BRINP3: variants seen among roughly 807,000 people sequenced by gnomAD.
BRINP3 encodes the protein BMP/retinoic acid inducible neural specific 3.
A neutral mutation model predicts 71.0 loss-of-function variants in BRINP3; 19 were observed. That is an observed-to-expected ratio of 0.27 (90% CI 0.19 to 0.39). The LOEUF is 0.39. BRINP3 is among the 10% of genes least tolerant of loss of function. BRINP3 has a pLI of 1.00. For missense variants in BRINP3, 959 were observed against 940.8 expected (o/e 1.02, Z -0.25); for synonymous variants, 380 against 337.7 (o/e 1.13, Z -1.37).
Position 190,434,376 on chromosome 1 carries a change from C to T in BRINP3, c.236+20279G>A, listed in dbSNP as rs561715618. ...CTGCCCACCTTGGCTTCCCAAGGTG[C>T]TAAGATTACAGGCATGACCCACCGT... On this transcript the variant is annotated intron_variant, in intron 2 of 7. Coordinates refer to ENST00000367462, the MANE Select transcript of BRINP3 (RefSeq NM_199051.3). 1.3e-3 allele frequency among the ~76,000 whole-genome samples: 196 copies of T among 152,056 alleles called. 1 individual carries two copies. Among genetic ancestry groups the T allele is most frequent in the Non-Finnish European group, 4.4e-4 (30 of 67,980 alleles).
At chr1:190,150,754 T>C (rs562515014) in intron 7 of BRINP3, among the ~76,000 whole-genome samples, 2 of 152,316 alleles carry the variant, frequency 1.3e-5, no homozygotes, top group East Asian at 3.9e-4. Flanking sequence ...GTTATTCCTC[T>C]TTTATGCATG....
At chr1:190,332,863 C>T (rs1397701714) in intron 2 of BRINP3, among the ~76,000 whole-genome samples, 1 of 151,896 alleles carries the variant, frequency 6.6e-6, no homozygotes, top group African/African-American at 2.4e-5. Flanking sequence ...TATTATCAAT[C>T]CGGGTGTGTT....
chr1:190,470,358 T>G (rs1293166911), intron 1 of BRINP3, among the ~76,000 whole-genome samples: 1 of 151,036 alleles, frequency 6.6e-6, no homozygotes, highest in Non-Finnish European at 1.5e-5. Flanking sequence ...TAAATTCTAA[T>G]GTAATGTTCA....
At chr1:190,383,895 T>A (rs564180086) in intron 2 of BRINP3, among the ~76,000 whole-genome samples, 1 of 152,136 alleles carries the variant, frequency 6.6e-6, no homozygotes, top group South Asian at 2.1e-4. Flanking sequence ...AAGTGTTGCT[T>A]CTTATTCTAA....
chr1:190,139,484 GA>G (rs745909429), intron 7 of BRINP3, among the ~76,000 whole-genome samples: 4 of 145,442 alleles, frequency 2.8e-5, no homozygotes, highest in Non-Finnish European at 4.5e-5. Context: ...AGAAAGAAAA[GA>G]AAAAAAATGA....
intron 2 of BRINP3, among the ~76,000 whole-genome samples, chr1:190,432,600 T>C (rs1045663922): frequency 1.3e-5 from 2 of 152,184 alleles, no homozygotes; most frequent in Non-Finnish European, 2.9e-5. Flanking sequence ...TTGAACAAGA[T>C]AAGAACTCTC....
intron 6 of BRINP3, among the ~76,000 whole-genome samples, chr1:190,168,327 T>C (rs1043300634): frequency 5.3e-5 from 8 of 152,158 alleles, no homozygotes; most frequent in African/African-American, 1.9e-4. Context: ...TCCTGAATCA[T>C]TTCAAAGACC....
chr1:190,163,797 TC>T (rs1414399705), intron 6 of BRINP3, among the ~76,000 whole-genome samples: 10 of 152,108 alleles, frequency 6.6e-5, no homozygotes, highest in African/African-American at 2.4e-4. Context: ...TGTGCCTTTA[TC>T]CTTTTTCCGT....
chr1:190,137,061 G>T (rs939294757), intron 7 of BRINP3, among the ~76,000 whole-genome samples: 1 of 152,072 alleles, frequency 6.6e-6, no homozygotes, highest in South Asian at 2.1e-4. Flanking sequence ...CTAAGGTATA[G>T]TGTAGCTATG....
At chr1:190,295,489 C>A (rs929777219) in intron 2 of BRINP3, among the ~76,000 whole-genome samples, 1 of 152,062 alleles carries the variant, frequency 6.6e-6, no homozygotes, top group Non-Finnish European at 1.5e-5. Context: ...CAGACCAGTG[C>A]AGTACTGGGA....
intron 6 of BRINP3, among the ~76,000 whole-genome samples, chr1:190,170,796 T>C (rs576742144): frequency 1.5e-3 from 223 of 152,292 alleles, no homozygotes; most frequent in African/African-American, 5.0e-3. Context: ...TGATCATTAG[T>C]TATAAGCAAA....
intron 2 of BRINP3, among the ~76,000 whole-genome samples, chr1:190,324,087 A>C (rs1057227381): frequency 1.5e-4 from 23 of 152,080 alleles, no homozygotes; most frequent in African/African-American, 5.5e-4. Flanking sequence ...AAAAGTAGGA[A>C]GAACACTAGA....
chr1:190,281,676 G>T lies in BRINP3; in HGVS notation c.311C>A (p.Ala104Asp), dbSNP rs767342332. The T allele has an allele frequency of 5.0e-6, 8 of 1,612,746 alleles. No individual in the cohort carries two copies. The South Asian group carries it at 7.7e-5, about 15-fold the overall frequency. Residue 104 changes from alanine to aspartate, a missense_variant, in exon 3 of 8, where the codon GCC becomes GAC. By Grantham distance (126) the Ala-to-Asp change is moderately radical. Transcript: ENST00000367462. ...RNFLGSPLPL[A>D]PEFFRNIRLL... is the part of the protein sequence containing the mutation. ...TCTTATGTTGCGGAAGAATTCAGGG[G>T]CAAGAGGCAGAGGAGAGCCAAGGAA...
intron 2 of BRINP3, among the ~76,000 whole-genome samples, chr1:190,305,313 G>C (rs187967972): frequency 7.9e-5 from 12 of 151,718 alleles, no homozygotes; most frequent in Middle Eastern, 3.4e-3. Flanking sequence ...TTAGTTTATG[G>C]CAGCACTATT....
At chr1:190,428,628 A>G (rs1215739091) in intron 2 of BRINP3, among the ~76,000 whole-genome samples, 1 of 152,068 alleles carries the variant, frequency 6.6e-6, no homozygotes, top group East Asian at 1.9e-4. Context: ...TTTCCCAGTT[A>G]TTCATTCTTT....
chr1:190,430,887 G>A (rs1674054026), intron 2 of BRINP3, among the ~76,000 whole-genome samples: 1 of 151,954 alleles, frequency 6.6e-6, no homozygotes. Context: ...TAATTTATAA[G>A]AAATCAAATT....
chr1:190,236,539 C>T (rs140743062), intron 4 of BRINP3, among the ~76,000 whole-genome samples: 10 of 151,974 alleles, frequency 6.6e-5, no homozygotes, highest in African/African-American at 2.2e-4. Flanking sequence ...TTGATGGTAA[C>T]CAAGATTGAC....
intron 1 of BRINP3, among the ~76,000 whole-genome samples, chr1:190,461,311 C>A (rs1420758789): frequency 1.3e-5 from 2 of 152,120 alleles, no homozygotes; most frequent in Non-Finnish European, 2.9e-5. Flanking sequence ...GGTTCCTCTG[C>A]CTGAATGACT....
chr1:190,120,494 TTTAA>T (rs1482462705), intron 7 of BRINP3, among the ~76,000 whole-genome samples: 8 of 151,874 alleles, frequency 5.3e-5, no homozygotes, highest in Non-Finnish European at 7.4e-5. Context: ...TTTATTTAAT[TTTAA>T]TTAATTTATT....
Sources: allele counts gnomAD v4.1 joint callset (sites outside exome capture counted in the v4.1 genomes callset), GRCh38; gene constraint gnomAD v4.1.1; transcripts MANE v1.5; gene names NCBI Gene and HGNC (gene_info 2026-07-23, HGNC 2026-07-21).